Variants in PRDM5 observed in about 807,000 individuals in gnomAD.
The protein encoded by PRDM5 is PR/SET domain 5.
Under a neutral mutation model 81.2 loss-of-function variants are expected in PRDM5, and 56 were observed. The ratio of observed to expected loss-of-function variants is 0.69; its 90% CI spans 0.56 to 0.86. The LOEUF (loss-of-function observed/expected upper bound fraction) is 0.86, where lower values mean the gene tolerates loss of function less well. Ranked by LOEUF, PRDM5 falls within the 40% of genes least tolerant of loss-of-function variation. The pLI is 0.00. For synonymous variants in PRDM5, 267 were observed against 256.4 expected, an observed-to-expected ratio of 1.04 and a Z score of -0.39; for missense variants, 697 against 770.1, an observed-to-expected ratio of 0.91 and a Z score of 1.12.
intron 14 of PRDM5, among the ~76,000 whole-genome samples, chr4:120,717,433 C>T (rs1037405791): frequency 6.6e-6 from 1 of 152,056 alleles, no homozygotes; most frequent in East Asian, 1.9e-4. Flanking sequence ...AATAAAAAGT[C>T]GTATTTTGTG....
At position 120,907,495 on chromosome 4, in the gene PRDM5, C is replaced by T. The variant is rs1249982144; in HGVS notation, c.156G>A (p.Met52Ile). The change falls in exon 2 of 16, where the codon ATG (methionine) becomes ATA (isoleucine). Residue 52 changes from methionine to isoleucine, a missense_variant. By Grantham distance (10) the Met-to-Ile change is conservative (BLOSUM62 1). Around this residue, in one of 3 missense-constraint regions of PRDM5, gnomAD observed 577 missense variants for 606.7 expected, o/e 0.95. Transcript: ENST00000264808. ...KRMPEDLDEN[M>I]DYRLMWEVRG... is the part of the protein sequence containing the mutation. The stretch of plus-strand genomic sequence containing the variant: ...TCACCTCCCACATCAACCTGTAATC[C>T]ATATTTTCATCCAAGTCTTCAGGCA... 2 of 1,611,080 alleles carry T rather than the reference C, an allele frequency of 1.2e-6. No individual in the cohort carries two copies. Among genetic ancestry groups the T allele is most frequent in the Non-Finnish European group, 8.5e-7 (1 of 1,177,368 alleles).
At chr4:120,700,949 A>C (rs1413590006) in intron 15 of PRDM5, among the ~76,000 whole-genome samples, 1 of 152,024 alleles carries the variant, frequency 6.6e-6, no homozygotes, top group Non-Finnish European at 1.5e-5. Flanking sequence ...ATATGGAGAA[A>C]CCCTGTCTCT....
intron 14 of PRDM5, among the ~76,000 whole-genome samples, chr4:120,740,676 G>A (rs1159880707): frequency 1.3e-5 from 2 of 152,054 alleles, no homozygotes; most frequent in Non-Finnish European, 2.9e-5. Flanking sequence ...CATCTCATGT[G>A]GGTCCCTATT....
At chr4:120,708,856 G>T (rs1736562902) in intron 15 of PRDM5, among the ~76,000 whole-genome samples, 1 of 152,096 alleles carries the variant, frequency 6.6e-6, no homozygotes, top group Admixed American at 6.5e-5. Flanking sequence ...CAATGAGTAG[G>T]TTAAGAGGAC....
chr4:120,865,438 C>A (rs893597922), intron 2 of PRDM5, among the ~76,000 whole-genome samples: 1 of 152,156 alleles, frequency 6.6e-6, no homozygotes, highest in Non-Finnish European at 1.5e-5. Flanking sequence ...AATCTTAAAA[C>A]TCCATTTGTG....
intron 14 of PRDM5, among the ~76,000 whole-genome samples, chr4:120,724,203 T>C (rs1374432189): frequency 6.6e-6 from 1 of 152,022 alleles, no homozygotes; most frequent in Non-Finnish European, 1.5e-5. Flanking sequence ...TCATTGAGAG[T>C]AATTTCATCA....
chr4:120,788,753 T>A (rs570958403), intron 10 of PRDM5, among the ~76,000 whole-genome samples: 12 of 152,206 alleles, frequency 7.9e-5, no homozygotes, highest in Non-Finnish European at 1.5e-4. Context: ...CTAAAGCCAA[T>A]GACATATTTT....
At chr4:120,802,433 T>G (rs1005054159) in intron 8 of PRDM5, among the ~76,000 whole-genome samples, 3 of 152,166 alleles carry the variant, frequency 2.0e-5, no homozygotes, top group African/African-American at 7.2e-5. Flanking sequence ...GACTCCCAAG[T>G]AGCCTAACTG....
chr4:120,792,394 C>T (rs554689881), intron 10 of PRDM5, among the ~76,000 whole-genome samples: 3 of 152,194 alleles, frequency 2.0e-5, no homozygotes, highest in South Asian at 2.1e-4. Context: ...CATGCATGTA[C>T]GATTTTAAAG....
intron 2 of PRDM5, among the ~76,000 whole-genome samples, chr4:120,863,191 T>TATAAACACACACACAC: frequency 1.4e-5 from 1 of 70,322 alleles, no homozygotes; most frequent in East Asian, 3.7e-4. Context: ...TATATATATA[T>TATAAACACACACACAC]ACACACACAC....
In PRDM5 at chr4:120,710,408, C is replaced by T. The variant is rs200669512; in HGVS notation, c.1629G>A (p.Lys543=). 18 of 1,613,978 alleles carry T rather than the reference C, an allele frequency of 1.1e-5. No homozygotes were observed. In the African/African-American group the frequency reaches 2.3e-4, roughly 20 times the overall value. ...KMHIRTHTRE[K]PYKCSECSKA... is the part of the protein sequence containing the mutation. Reference sequence around the variant, plus strand: ...TGCTGCACTCTGAGCACTTGTACGGCTTCTCCTGCAGTCAACAAAAAGAGA... The same window carrying T: ...TGCTGCACTCTGAGCACTTGTACGGTTTCTCCTGCAGTCAACAAAAAGAGA... Residue 543 remains lysine, a synonymous_variant, in exon 15 of 16, where the codon AAG becomes AAA. Transcript: ENST00000264808.
chr4:120,709,574 C>T (rs1044648810), intron 15 of PRDM5, among the ~76,000 whole-genome samples: 1 of 152,060 alleles, frequency 6.6e-6, no homozygotes, highest in Non-Finnish European at 1.5e-5. Context: ...TCTGGAATTT[C>T]CCTCAATATT....
At chr4:120,743,314 G>A (rs1338259022) in intron 14 of PRDM5, among the ~76,000 whole-genome samples, 4 of 151,834 alleles carry the variant, frequency 2.6e-5, no homozygotes, top group South Asian at 2.1e-4. Flanking sequence ...GGTACCAGCC[G>A]CTGCAAAATC....
At chr4:120,703,798 CCAGA>C (rs1735722081) in intron 15 of PRDM5, among the ~76,000 whole-genome samples, 1 of 152,030 alleles carries the variant, frequency 6.6e-6, no homozygotes, top group Non-Finnish European at 1.5e-5. Context: ...GAATTTAAAC[CCAGA>C]CAGTCTGGGT....
chr4:120,848,696 T>C (rs1464796378), intron 3 of PRDM5, among the ~76,000 whole-genome samples: 2 of 152,140 alleles, frequency 1.3e-5, no homozygotes, highest in Non-Finnish European at 1.5e-5. Flanking sequence ...AGAATATTCC[T>C]ATAAATGCAA....
intron 10 of PRDM5, among the ~76,000 whole-genome samples, chr4:120,797,157 G>A (rs1306797745): frequency 2.6e-5 from 4 of 152,114 alleles, no homozygotes. Context: ...GAAAGAAGAA[G>A]GTAGAGAGGT....
At chr4:120,691,055 G>C (rs902288818), downstream of PRDM5, among the ~76,000 whole-genome samples, 2 of 152,016 alleles carry the variant, frequency 1.3e-5, no homozygotes, top group African/African-American at 4.8e-5. Context: ...TTAATTTCAG[G>C]AAATTAAATA....
chr4:120,850,501 G>A (rs1759135071), intron 3 of PRDM5, among the ~76,000 whole-genome samples: 1 of 152,220 alleles, frequency 6.6e-6, no homozygotes, highest in African/African-American at 2.4e-5. Context: ...GTTACCTCAA[G>A]GGAGCTAACA....
chr4:120,879,391 A>G (rs1762620624), intron 2 of PRDM5, among the ~76,000 whole-genome samples: 1 of 152,158 alleles, frequency 6.6e-6, no homozygotes, highest in Non-Finnish European at 1.5e-5. Flanking sequence ...TCAAAGCTAC[A>G]TCAAATATGC....
Sources: gnomAD v4.1 joint callset for allele counts (sites outside exome capture counted in the v4.1 genomes callset) on GRCh38, gnomAD v4.1.1 for gene constraint, gnomAD v4.1.1 regional missense constraint, MANE v1.5 for transcripts, NCBI Gene and HGNC (gene_info 2026-07-23, HGNC 2026-07-21) for gene names.